PRELID2: variants seen among roughly 807,000 people sequenced by gnomAD.
PRELID2 encodes PRELI domain containing 2.
Under a neutral mutation model 28.4 loss-of-function variants are expected in PRELID2, and 25 were observed. The ratio of observed to expected loss-of-function variants is 0.88; its 90% CI spans 0.64 to 1.23. The LOEUF is 1.23. PRELID2 is among the 50% of genes most tolerant of loss of function. The probability of loss-of-function intolerance (pLI) is 0.00; values close to 1 mark genes in which losing one functional copy is unlikely to be tolerated. For missense variants in PRELID2, 201 were observed against 214.4 expected, an observed-to-expected ratio of 0.94 and a Z score of 0.39; for synonymous variants, 76 against 71.6, an observed-to-expected ratio of 1.06 and a Z score of -0.31.
At chr5:145,499,533 T>G (rs1178380750) in intron 1 of PRELID2, among the ~76,000 whole-genome samples, 2 of 152,008 alleles carry the variant, frequency 1.3e-5, no homozygotes, top group Non-Finnish European at 2.9e-5. Flanking sequence ...TTGATCTGGA[T>G]GGGGTGGGGT....
At chr5:145,314,975 T>C in the PRELID2 span, among the ~76,000 whole-genome samples, 1 of 151,944 alleles carries the variant, frequency 6.6e-6, no homozygotes, top group Non-Finnish European at 1.5e-5. Context: ...TATGATTTCT[T>C]TTGTTTTTTG....
At chr5:145,392,772 A>G in the PRELID2 span, among the ~76,000 whole-genome samples, 1 of 152,132 alleles carries the variant, frequency 6.6e-6, no homozygotes, top group Admixed American at 6.5e-5. Context: ...TCTCTAGCCA[A>G]TCAAATAACA....
rs753851226 is a variant in PRELID2, at chr5:145,817,423, A to ATATATATATATT, written c.368+470_368+471insAATATATATATA. 4.5e-3 allele frequency among the ~76,000 whole-genome samples: 591 copies of ATATATATATATT among 130,322 alleles called. 14 individuals carry two copies. The highest frequency in any genetic ancestry group is 7.1e-3 in the Non-Finnish European group (430 of 60,268). 85.5% of individuals were successfully genotyped at this position (130,322 alleles called of 152,430 possible). ...TGCAATAAAGGAATAAGCTAGTTTT[A>ATATATATATATT]TATATATATATATATATATATATAT... On this transcript the variant is annotated intron_variant, in intron 4 of 6. Coordinates refer to ENST00000683046, the MANE Select transcript of PRELID2 (RefSeq NM_205846.3).
chr5:145,689,764 C>T (rs1422280412), intron 1 of PRELID2, among the ~76,000 whole-genome samples: 14 of 152,122 alleles, frequency 9.2e-5, no homozygotes, highest in Non-Finnish European at 5.9e-5. Context: ...ATCATGGCAG[C>T]CCTATTTCTA....
In PRELID2 at chr5:145,645,338, C is replaced by CTTTTT. The variant is rs35732947; in HGVS notation, n.70+119588_70+119592dup. ...TCAGAGATTAGGATTGCAACTCCTG[C>CTTTTT]TTTTTTTTTTTTTTTTTTTTTTTTT... On this transcript the variant is annotated intron_variant and non_coding_transcript_variant, in intron 1 of 2. Coordinates refer to the PRELID2 transcript ENST00000510259. Among the ~76,000 whole-genome samples the CTTTTT allele has an allele frequency of 7.3e-4, 35 of 47,848 alleles. 1 individual carries two copies. The highest frequency in any genetic ancestry group is 4.2e-3 in the African/African-American group (35 of 8,404). 31.4% of individuals were successfully genotyped at this position (47,848 alleles called of 152,430 possible).
downstream of PRELID2, among the ~76,000 whole-genome samples, chr5:145,756,337 A>G (rs1460484299): frequency 6.6e-6 from 1 of 152,252 alleles, no homozygotes. Flanking sequence ...GAATGCACAC[A>G]TAAATATCAG....
the PRELID2 span, among the ~76,000 whole-genome samples, chr5:145,253,322 G>A: frequency 3.9e-5 from 6 of 152,072 alleles, no homozygotes; most frequent in Admixed American, 6.6e-5. Context: ...CTTATGCTGG[G>A]CAAGACCTGT....
chr5:145,454,154 A>G, the PRELID2 span, among the ~76,000 whole-genome samples: 29 of 152,280 alleles, frequency 1.9e-4, no homozygotes, highest in African/African-American at 6.7e-4. Context: ...AATGATCCCC[A>G]TTCTAACTGG....
At chr5:145,663,459 A>G (rs986239918) in intron 1 of PRELID2, among the ~76,000 whole-genome samples, 1 of 152,182 alleles carries the variant, frequency 6.6e-6, no homozygotes, top group African/African-American at 2.4e-5. Flanking sequence ...TTTGTGGTAC[A>G]AGCTGTAAGG....
At chr5:145,416,570 G>C in the PRELID2 span, among the ~76,000 whole-genome samples, 1 of 152,074 alleles carries the variant, frequency 6.6e-6, no homozygotes, top group African/African-American at 2.4e-5. Flanking sequence ...ATGAATTTAA[G>C]GCAGAAATCA....
At chr5:145,375,804 C>G in the PRELID2 span, among the ~76,000 whole-genome samples, 1 of 152,214 alleles carries the variant, frequency 6.6e-6, no homozygotes, top group Non-Finnish European at 1.5e-5. Context: ...ATCTTGGGGC[C>G]AAGCCATCCA....
At chr5:145,600,625 A>G (rs1271316025) in intron 1 of PRELID2, among the ~76,000 whole-genome samples, 1 of 151,918 alleles carries the variant, frequency 6.6e-6, no homozygotes, top group Non-Finnish European at 1.5e-5. Context: ...ATAATTTCTC[A>G]TTGGAGGAAA....
chr5:145,269,876 G>GTGTATA, the PRELID2 span, among the ~76,000 whole-genome samples: 141 of 147,294 alleles, frequency 9.6e-4, no homozygotes, highest in African/African-American at 3.4e-3. Context: ...ACATATATAT[G>GTGTATA]TATATATATA....
chr5:145,557,255 G>A (rs995708091), intron 1 of PRELID2, among the ~76,000 whole-genome samples: 4 of 152,152 alleles, frequency 2.6e-5, no homozygotes, highest in Non-Finnish European at 4.4e-5. Context: ...CCAAGCTGGC[G>A]ACCAGATGAG....
intron 5 of PRELID2, among the ~76,000 whole-genome samples, chr5:145,776,472 G>GA (rs1554092622): frequency 2.5e-5 from 3 of 118,372 alleles, no homozygotes; most frequent in African/African-American, 8.5e-5. Context: ...AAGAAAGAAA[G>GA]AAAAAAAAAT....
chr5:145,413,461 C>T, the PRELID2 span, among the ~76,000 whole-genome samples: 1 of 152,158 alleles, frequency 6.6e-6, no homozygotes, highest in South Asian at 2.1e-4. Flanking sequence ...ACCATTTGAT[C>T]CAGAATCCCA....
intron 1 of PRELID2, among the ~76,000 whole-genome samples, chr5:145,572,123 GGATT>G (rs1753020200): frequency 6.6e-6 from 1 of 152,138 alleles, no homozygotes. Context: ...TCTCTTCTAT[GGATT>G]CCAGATCTTT....
chr5:145,298,882 T>C, the PRELID2 span, among the ~76,000 whole-genome samples: 1 of 152,300 alleles, frequency 6.6e-6, no homozygotes, highest in South Asian at 2.1e-4. Flanking sequence ...CTTTCATATA[T>C]TTACATTGTA....
At chr5:145,415,355 A>G in the PRELID2 span, among the ~76,000 whole-genome samples, 1 of 151,674 alleles carries the variant, frequency 6.6e-6, no homozygotes, top group Non-Finnish European at 1.5e-5. Flanking sequence ...ATATGTATAC[A>G]TGTGCCATGC....
Sources: gnomAD v4.1 joint callset for allele counts (sites outside exome capture counted in the v4.1 genomes callset) on GRCh38, gnomAD v4.1.1 for gene constraint, MANE v1.5 for transcripts, NCBI Gene and HGNC (gene_info 2026-07-23, HGNC 2026-07-21) for gene names.